The following IRS2 variants were observed in gnomAD, a reference collection of about 807,000 sequenced individuals.
IRS2 encodes insulin receptor substrate 2.
A neutral mutation model predicts 70.9 loss-of-function variants in IRS2; 28 were observed. The observed-to-expected ratio is 0.39, with a 90% CI of 0.29 to 0.54. The LOEUF is 0.54. Ranked by LOEUF, IRS2 falls within the 20% of genes least tolerant of loss-of-function variation. IRS2 has a pLI of 0.59. For synonymous variants in IRS2, 1,217 were observed against 981.9 expected (o/e 1.24, Z -4.48); for missense variants, 2,081 against 2,024.1 (o/e 1.03, Z -0.54).
At chr13:109,769,492 T>C (rs1877405927) in intron 1 of IRS2, among the ~76,000 whole-genome samples, 1 of 152,228 alleles carries the variant, frequency 6.6e-6, no homozygotes, top group Non-Finnish European at 1.5e-5. Context: ...GCCTTTGCAC[T>C]GCTGTTCATC....
chr13:109,785,536 C>G lies in IRS2; in HGVS notation c.518G>C (p.Gly173Ala). ...CSASLPGALGGSAGAAGAEDS... is the reference protein window; with the variant it reads ...CSASLPGALGASAGAAGAEDS... ...CTCGGCCCCGGCGGCGCCGGCAGAG[C>G]CGCCCAGGGCGCCGGGCAGGGAGGC... The change falls in exon 1 of 2, where the codon GGC (glycine) becomes GCC (alanine). Residue 173 changes from glycine to alanine, a missense_variant. Transcript: ENST00000375856. The surrounding 1 kb of genome is among the most constrained non-coding windows in gnomAD (Gnocchi z 9.3). 2.5e-6 allele frequency: 4 copies of G among 1,569,992 alleles called. No individual in the cohort carries two copies. The highest frequency in any genetic ancestry group is 3.5e-6 in the Non-Finnish European group (4 of 1,158,092).
intron 1 of IRS2, among the ~76,000 whole-genome samples, chr13:109,756,631 C>T (rs1236611514): frequency 6.6e-6 from 1 of 152,118 alleles, no homozygotes; most frequent in African/African-American, 2.4e-5. Context: ...AGGGCCAGTT[C>T]CTAGGTTGCA....
Position 109,785,879 on chromosome 13 carries a change from C to T in IRS2, c.175G>A (p.Glu59Lys), listed in dbSNP as rs1877906847. 2.0e-6 allele frequency: 3 copies of T among 1,501,830 alleles called. No individual in the cohort carries two copies. Among genetic ancestry groups the T allele is most frequent in the East Asian group, 2.6e-5 (1 of 38,904 alleles). 93.0% of individuals were successfully genotyped at this position (1,501,830 alleles called of 1,614,324 possible). A position where few individuals can be genotyped will look rare whatever the true frequency, so the allele number is the denominator to read the frequency against. ...GCCGACCCCCCGCCCGCCGTCGCCT[C>T]GTCGCCGCCCGCGCCGGGTCCGCGC... ...VLRGPGAGGDEATAGGGSAPQ... is the reference protein window; with the variant it reads ...VLRGPGAGGDKATAGGGSAPQ... Residue 59 changes from glutamate (E) to lysine (K), a missense_variant, in exon 1 of 2, where the codon GAG becomes AAG. Around this residue, in one of 4 missense-constraint regions of IRS2, gnomAD observed 320 missense variants for 352.9 expected, o/e 0.91. Coordinates refer to ENST00000375856, the MANE Select transcript of IRS2 (RefSeq NM_003749.3). The surrounding 1 kb of genome is among the most constrained non-coding windows in gnomAD (Gnocchi z 9.3).
chr13:109,781,623 C>T (rs961233842), intron 1 of IRS2, among the ~76,000 whole-genome samples: 1 of 152,202 alleles, frequency 6.6e-6, no homozygotes, highest in East Asian at 1.9e-4. Context: ...AAGGTGAAAG[C>T]TGCGGCTGAG....
rs757781282 is a variant in IRS2 at position 109,783,522 on chromosome 13, C to A, written c.2532G>T (p.Thr844=). 1.1e-4 allele frequency: 171 copies of A among 1,548,376 alleles called. No individual in the cohort carries two copies. The highest frequency in any genetic ancestry group is 1.4e-4 in the Non-Finnish European group (161 of 1,146,430). The change falls in exon 1 of 2, where the codon ACG becomes ACT. Residue 844 remains threonine, a synonymous_variant. Coordinates refer to ENST00000375856, the MANE Select transcript of IRS2 (RefSeq NM_003749.3). ...CGCTGGCCGCCTGGCTGGGCCCTGG[C>A]GTGGCCTGAGGCTCCAGACGCTCCT... ...LEEERLEPQA[T]PGPSQAASAF...
intron 1 of IRS2, among the ~76,000 whole-genome samples, chr13:109,776,224 G>A (rs1035730290): frequency 5.3e-5 from 8 of 151,816 alleles, no homozygotes; most frequent in South Asian, 2.1e-4. Flanking sequence ...AAAATATATC[G>A]TGGGTCAAAA....
Position 109,782,726 on chromosome 13 carries a change from G to A in IRS2, c.3328C>T (p.Leu1110Phe), listed in dbSNP as rs1310436243. The change falls in exon 1 of 2, where the codon CTC becomes TTC. Residue 1110 changes from leucine to phenylalanine, a missense_variant. Physicochemically the swap from Leu to Phe is conservative, Grantham distance 22. Transcript: ENST00000375856. ...TCGACTCCCGACACCTGCTCCATGA[G>A]GCTCAGCCTCTTCACGCCCGACGTC... ...SPTSGVKRLS[L>F]MEQVSGVEAF... 1 of 1,596,728 alleles carries A rather than the reference G, an allele frequency of 6.3e-7. No homozygotes were observed. Among genetic ancestry groups the A allele is most frequent in the Non-Finnish European group, 8.5e-7 (1 of 1,172,478 alleles).
rs1412194102 is a variant in IRS2, at chr13:109,753,369, G to A, written c.*2935C>T. Reference sequence around the variant, plus strand: ...TATCTTCTGTGTGCACATCAGGAAGGGAGCACTAAGCAGAGGTGCATAAGC... The same window carrying A: ...TATCTTCTGTGTGCACATCAGGAAGAGAGCACTAAGCAGAGGTGCATAAGC... On this transcript the variant is annotated 3_prime_UTR_variant, in exon 2 of 2. Transcript: ENST00000375856. 1 of 152,326 alleles carries A rather than the reference G, an allele frequency of 6.6e-6. No individual in the cohort carries two copies. Among genetic ancestry groups the A allele is most frequent in the Non-Finnish European group, 1.5e-5 (1 of 68,108 alleles). The allele number at this position is 152,326 out of a possible 1,614,324, so 9.4% of individuals were successfully genotyped here.
In IRS2 at chr13:109,783,436, C is replaced by G. The variant is rs1877790206; in HGVS notation, c.2618G>C (p.Ser873Thr). 9 of 1,518,328 alleles carry G rather than the reference C, an allele frequency of 5.9e-6. No homozygotes were observed. The highest frequency in any genetic ancestry group is 1.4e-5 in the African/African-American group (1 of 71,376). 94.1% of individuals were successfully genotyped at this position (1,518,328 alleles called of 1,614,324 possible). The change falls in exon 1 of 2, where the codon AGC becomes ACC. Residue 873 changes from serine (S) to threonine (T), a missense_variant. Ser to Thr is a moderately conservative substitution (Grantham distance 58, BLOSUM62 1). Transcript: ENST00000375856. Reference protein sequence around the residue: ...HPVVPSPVRPSGGRPEGFLGQ... With the variant: ...HPVVPSPVRPTGGRPEGFLGQ... ...CAAGAAGCCCTCCGGGCGGCCGCCG[C>G]TAGGCCGCACGGGCGAAGGCACTAC...
intron 1 of IRS2, among the ~76,000 whole-genome samples, chr13:109,780,522 C>CT (rs1877672844): frequency 6.6e-6 from 1 of 152,178 alleles, no homozygotes; most frequent in Admixed American, 6.5e-5. Flanking sequence ...AAGGAAATAG[C>CT]TTTTCTCTAT....
At position 109,783,803 on chromosome 13, in the gene IRS2, G is replaced by A. The variant is rs773593930; in HGVS notation, c.2251C>T (p.Leu751=). 35 of 1,596,008 alleles carry A rather than the reference G, an allele frequency of 2.2e-5. No homozygotes were observed. Among genetic ancestry groups the A allele is most frequent in the South Asian group, 1.1e-4 (10 of 88,644 alleles). The change falls in exon 1 of 2, where the codon CTG becomes TTG. Residue 751 remains leucine, a synonymous_variant. Transcript: ENST00000375856. ...GYMRMWCGSK[L]SMEHADGKLL... ...TTGCCATCTGCATGCTCCATGGACA[G>A]CTTGGAACCGCACCACATGCGCATG... is the stretch of plus-strand genomic sequence containing the variant.
chr13:109,769,434 T>C (rs1012477819), intron 1 of IRS2, among the ~76,000 whole-genome samples: 29 of 152,210 alleles, frequency 1.9e-4, no homozygotes, highest in African/African-American at 7.0e-4. Context: ...CCAGCCACAC[T>C]GGCCTCCTTC....
chr13:109,758,038 G>T (rs1199356473), intron 1 of IRS2, among the ~76,000 whole-genome samples: 2 of 152,180 alleles, frequency 1.3e-5, no homozygotes, highest in African/African-American at 4.8e-5. Flanking sequence ...AGTAAACAAT[G>T]TTCTGCCAAT....
At chr13:109,781,598 C>G (rs375020139) in intron 1 of IRS2, among the ~76,000 whole-genome samples, 1 of 152,178 alleles carries the variant, frequency 6.6e-6, no homozygotes, top group South Asian at 2.1e-4. Flanking sequence ...GAGCCCAGCT[C>G]CAGGAACACA....
chr13:109,783,282 A>G lies in IRS2; in HGVS notation c.2772T>C (p.Phe924=). ...GCGACAGGCGGGCCCCGGGCTCGCCAAAGTCGATGTTGATGTACTCGCCGG... is the reference window on the plus strand; with the variant it reads ...GCGACAGGCGGGCCCCGGGCTCGCCGAAGTCGATGTTGATGTACTCGCCGG... ...KSPGEYINID[F]GEPGARLSPP... The change falls in exon 1 of 2, where the codon TTT becomes TTC. Residue 924 remains phenylalanine, a synonymous_variant. Coordinates refer to ENST00000375856, the MANE Select transcript of IRS2 (RefSeq NM_003749.3). 2.0e-6 allele frequency: 3 copies of G among 1,491,458 alleles called. No individual in the cohort carries two copies. The highest frequency in any genetic ancestry group is 1.8e-6 in the Non-Finnish European group (2 of 1,127,836). The allele number at this position is 1,491,458 out of a possible 1,614,324, so 92.4% of individuals were successfully genotyped here.
Position 109,785,933 on chromosome 13 carries a change from T to G in IRS2, c.121A>C (p.Lys41Gln), listed in dbSNP as rs1327405067. The change falls in exon 1 of 2, where the codon AAG (lysine) becomes CAG (glutamine). Residue 41 changes from lysine to glutamine, a missense_variant. Coordinates refer to ENST00000375856, the MANE Select transcript of IRS2 (RefSeq NM_003749.3). This position sits in a 1 kb window ranked among gnomAD's most constrained non-coding sequence, Gnocchi z 9.3. ...ACGAAGAAGCGCTTGTGGCCATGCT[T>G]CTGCTTGCGCAGGTAGCCGCACTTG... ...VRKCGYLRKQ[K>Q]HGHKRFFVLR... is the part of the protein sequence containing the mutation. 6.7e-7 allele frequency: 1 copy of G among 1,498,520 alleles called. No individual in the cohort carries two copies. The highest frequency in any genetic ancestry group is 1.4e-5 in the African/African-American group (1 of 69,244). 92.8% of individuals were successfully genotyped at this position (1,498,520 alleles called of 1,614,324 possible).
chr13:109,777,805 T>C (rs1392597145), intron 1 of IRS2, among the ~76,000 whole-genome samples: 1 of 152,248 alleles, frequency 6.6e-6, no homozygotes, highest in Non-Finnish European at 1.5e-5. Flanking sequence ...AGGATTACCA[T>C]ACTGTTTTCC....
chr13:109,779,968 T>C (rs1255044246), intron 1 of IRS2, among the ~76,000 whole-genome samples: 3 of 152,180 alleles, frequency 2.0e-5, no homozygotes, highest in African/African-American at 7.2e-5. Context: ...AAGGGCATTA[T>C]TTCCTATTTG....
rs1188979766 is a variant in IRS2, at chr13:109,755,794, C to T, written c.*510G>A. 3 of 224,252 alleles carry T rather than the reference C, an allele frequency of 1.3e-5. No homozygotes were observed. The highest frequency in any genetic ancestry group is 2.7e-5 in the Non-Finnish European group (3 of 110,604). The allele number at this position is 224,252 out of a possible 1,614,324, so 13.9% of individuals were successfully genotyped here. A position where few individuals can be genotyped will look rare whatever the true frequency, so the allele number is the denominator to read the frequency against. On this transcript the variant is annotated 3_prime_UTR_variant, in exon 2 of 2. Transcript: ENST00000375856. ...CAGACACACAGCGCAGGGGCTACTACAGGAGGTCCTGTGGGACCCCCGCCA... is the reference window on the plus strand; with the variant it reads ...CAGACACACAGCGCAGGGGCTACTATAGGAGGTCCTGTGGGACCCCCGCCA...
Sources: allele counts gnomAD v4.1 joint callset (sites outside exome capture counted in the v4.1 genomes callset), GRCh38; gene constraint gnomAD v4.1.1; regional missense constraint gnomAD v4.1.1; non-coding constraint Gnocchi (gnomAD v3.1); transcripts MANE v1.5; gene names NCBI Gene and HGNC (gene_info 2026-07-23, HGNC 2026-07-21).